KIAA0319L: variants seen among roughly 807,000 people sequenced by gnomAD.
KIAA0319L encodes the protein KIAA0319 like.
A neutral mutation model predicts 120.1 loss-of-function variants in KIAA0319L; 55 were observed. The observed-to-expected ratio is 0.46, with a 90% confidence interval of 0.37 to 0.57. KIAA0319L has a LOEUF of 0.57. KIAA0319L is among the 20% of genes least tolerant of loss of function. The pLI, the probability that KIAA0319L is intolerant of heterozygous loss-of-function variation, is 0.00. For missense variants in KIAA0319L, 1,049 were observed against 1,255.3 expected (o/e 0.84, Z 2.48); for synonymous variants, 398 against 471.9 (o/e 0.84, Z 2.03).
Position 35,456,093 on chromosome 1 carries a change from G to C in KIAA0319L, c.1576C>G (p.Gln526Glu), listed in dbSNP as rs199932879. The C allele has an allele frequency of 1.9e-6, 3 of 1,613,974 alleles. No homozygotes were observed. The highest frequency in any genetic ancestry group is 2.5e-6 in the Non-Finnish European group (3 of 1,180,028). ...GTGATGCCATGATCATCAGTGCTCT[G>C]GTTCCCAAAGAGGGTGATGGAGTTT... is the stretch of plus-strand genomic sequence containing the variant. ...PQNSITLFGN[Q>E]STDDHGITSY... The change falls in exon 10 of 21, where the codon CAG becomes GAG. Residue 526 changes from glutamine (Q) to glutamate (E), a missense_variant. Transcript: ENST00000325722.
chr1:35,447,311 A>T (rs1641699161), intron 16 of KIAA0319L, among the ~76,000 whole-genome samples: 1 of 151,504 alleles, frequency 6.6e-6, no homozygotes, highest in African/African-American at 2.4e-5. Context: ...TCACACACAT[A>T]AAACAAACCA....
chr1:35,520,711 C>T (rs1645877261), intron 2 of KIAA0319L, among the ~76,000 whole-genome samples: 2 of 152,160 alleles, frequency 1.3e-5, no homozygotes, highest in Admixed American at 6.5e-5. Flanking sequence ...CCCTACTTCC[C>T]TCCTAGCTAT....
chr1:35,501,592 A>C (rs534546098), intron 3 of KIAA0319L, among the ~76,000 whole-genome samples: 1 of 152,296 alleles, frequency 6.6e-6, no homozygotes, highest in East Asian at 1.9e-4. Context: ...CAGTAAGAGG[A>C]CAGGCCAGGC....
At chr1:35,536,340 C>A (rs913022228) in intron 2 of KIAA0319L, among the ~76,000 whole-genome samples, 3 of 152,194 alleles carry the variant, frequency 2.0e-5, no homozygotes, top group Non-Finnish European at 2.9e-5. Flanking sequence ...CATGAAAGGA[C>A]CAACCAAATT....
At chr1:35,497,914 C>G (rs1311678646) in intron 3 of KIAA0319L, among the ~76,000 whole-genome samples, 1 of 152,132 alleles carries the variant, frequency 6.6e-6, no homozygotes, top group Non-Finnish European at 1.5e-5. Flanking sequence ...GTTAGGCAGA[C>G]AGATTTTCAT....
intron 4 of KIAA0319L, among the ~76,000 whole-genome samples, chr1:35,477,660 C>T (rs1488080181): frequency 5.8e-5 from 7 of 120,852 alleles, no homozygotes; most frequent in African/African-American, 2.6e-4. Flanking sequence ...GAGTGAGACT[C>T]TGTCTCAAAA....
rs894260481 is a variant in KIAA0319L, at chr1:35,437,261, GT to G, written c.2963-2181del. Among the ~76,000 whole-genome samples, 6 of 152,088 alleles carry G rather than the reference GT, an allele frequency of 3.9e-5. No individual in the cohort carries two copies. Among genetic ancestry groups the G allele is most frequent in the African/African-American group, 1.4e-4 (6 of 41,416 alleles). ...GCACTTCTCCGGGCCATCACCGCCCGTTTCTCCCCTCCTGCCTCAGAAGAGG... is the reference window on the plus strand; with the variant it reads ...GCACTTCTCCGGGCCATCACCGCCCGTTCTCCCCTCCTGCCTCAGAAGAGG... On this transcript the variant is annotated intron_variant, in intron 20 of 20. Transcript: ENST00000325722. The surrounding 1 kb of genome is among the most constrained non-coding windows in gnomAD (Gnocchi z 4.1).
intron 2 of KIAA0319L, among the ~76,000 whole-genome samples, chr1:35,540,575 T>C (rs1006724514): frequency 3.9e-5 from 6 of 152,226 alleles, no homozygotes; most frequent in Non-Finnish European, 8.8e-5. Flanking sequence ...TCAGGAAATG[T>C]GGATTATTAA....
At chr1:35,551,899 G>C (rs888978153) in intron 2 of KIAA0319L, among the ~76,000 whole-genome samples, 7 of 152,154 alleles carry the variant, frequency 4.6e-5, no homozygotes, top group African/African-American at 1.7e-4. Flanking sequence ...CAAGCTCAAG[G>C]TTACTAAAGA....
intron 3 of KIAA0319L, among the ~76,000 whole-genome samples, chr1:35,490,556 A>T (rs1267497023): frequency 1.3e-5 from 2 of 152,256 alleles, no homozygotes; most frequent in Non-Finnish European, 2.9e-5. Flanking sequence ...CTGATCCAGA[A>T]ATAACAGAGA....
intron 2 of KIAA0319L, among the ~76,000 whole-genome samples, chr1:35,546,222 G>A (rs990898229): frequency 2.0e-5 from 3 of 152,162 alleles, no homozygotes; most frequent in Non-Finnish European, 4.4e-5. Flanking sequence ...AAGATGTAAG[G>A]GAGAGAAGGG....
At chr1:35,542,789 T>C (rs949854827) in intron 2 of KIAA0319L, among the ~76,000 whole-genome samples, 4 of 152,226 alleles carry the variant, frequency 2.6e-5, no homozygotes, top group Non-Finnish European at 4.4e-5. Context: ...ATCTCCAAAA[T>C]AAGCCAAAAG....
At chr1:35,473,524 A>C (rs1402316663) in intron 5 of KIAA0319L, among the ~76,000 whole-genome samples, 1 of 152,202 alleles carries the variant, frequency 6.6e-6, no homozygotes, top group African/African-American at 2.4e-5. Flanking sequence ...TGTCTTTCAC[A>C]AAAGAATGGT....
rs1640619730 is a variant in KIAA0319L, at chr1:35,434,251, A to T, written c.*643T>A. ...AGGCATACGCCACCAAACCCGGCTA[A>T]TTTTTTTTTTTATTTTTAGTAGAGA... On this transcript the variant is annotated 3_prime_UTR_variant, in exon 21 of 21. Coordinates refer to ENST00000325722, the MANE Select transcript of KIAA0319L (RefSeq NM_024874.5). 6.8e-6 allele frequency: 1 copy of T among 147,498 alleles called. No homozygotes were observed. The allele number at this position is 147,498 out of a possible 1,614,324, so 9.1% of individuals were successfully genotyped here.
intron 2 of KIAA0319L, among the ~76,000 whole-genome samples, chr1:35,521,415 A>C (rs1348915092): frequency 6.6e-6 from 1 of 151,980 alleles, no homozygotes; most frequent in African/African-American, 2.4e-5. Flanking sequence ...TGGGGAGAAC[A>C]TGAGGTCAGG....
chr1:35,457,344 G>A (rs931296120), intron 9 of KIAA0319L, among the ~76,000 whole-genome samples: 1 of 152,104 alleles, frequency 6.6e-6, no homozygotes, highest in African/African-American at 2.4e-5. Flanking sequence ...TCCTGTTCCA[G>A]CTGTTTACAC....
intron 2 of KIAA0319L, among the ~76,000 whole-genome samples, chr1:35,529,771 T>C (rs907667689): frequency 1.3e-5 from 2 of 152,192 alleles, no homozygotes; most frequent in Non-Finnish European, 2.9e-5. Context: ...AGTTTGACTA[T>C]CATGTGCCAA....
chr1:35,460,512 G>A (rs1290715653), intron 8 of KIAA0319L, 75 bp from the exon 9 acceptor site: 1 of 1,310,916 alleles, frequency 7.6e-7, no homozygotes, highest in African/African-American at 1.5e-5. Flanking sequence ...CACAAACCAG[G>A]ACAACTACCC....
rs1380968985 is a variant in KIAA0319L, at chr1:35,451,714, T to C, written c.1976A>G (p.Gln659Arg). The C allele has an allele frequency of 1.2e-6, 2 of 1,614,036 alleles. No homozygotes were observed. Among genetic ancestry groups the C allele is most frequent in the African/African-American group, 2.7e-5 (2 of 74,930 alleles). Residue 659 changes from glutamine to arginine, a missense_variant, in exon 13 of 21, where the codon CAA (glutamine) becomes CGA (arginine). By Grantham distance (43) the Gln-to-Arg change is conservative. Coordinates refer to ENST00000325722, the MANE Select transcript of KIAA0319L (RefSeq NM_024874.5). ...NSSVATVTGL[Q>R]VGTYVFTLTV... ...CAAGGTGAACACATAGGTCCCCACT[T>C]GCAGCCCAGTCACAGTAGCAACACT...
Sources: gnomAD v4.1 joint callset for allele counts (sites outside exome capture counted in the v4.1 genomes callset) on GRCh38, gnomAD v4.1.1 for gene constraint, Gnocchi (gnomAD v3.1) non-coding constraint, MANE v1.5 for transcripts, NCBI Gene and HGNC (gene_info 2026-07-23, HGNC 2026-07-21) for gene names.